Variants in CLEC4A observed in about 807,000 individuals in gnomAD.
CLEC4A encodes the protein C-type (calcium dependent, carbohydrate-recognition domain) lectin, superfamily member 6.
CLEC4A carries 27 observed loss-of-function variants against 32.7 expected under a neutral mutation model. The observed-to-expected ratio is 0.83, with a 90% CI of 0.61 to 1.14. The LOEUF is 1.14. Ranked by LOEUF, CLEC4A falls within the 50% of genes most tolerant of loss-of-function variation. The pLI is 0.00. For missense variants in CLEC4A, 253 were observed against 274.6 expected, an observed-to-expected ratio of 0.92 and a Z score of 0.55; for synonymous variants, 89 against 93.7, an observed-to-expected ratio of 0.95 and a Z score of 0.29.
intron 1 of CLEC4A, 21 bp from the exon 2 acceptor site, chr12:8,125,540 C>T: frequency 7.0e-7 from 1 of 1,422,142 alleles, no homozygotes; most frequent in South Asian, 1.2e-5. Context: ...ACTGATAAAA[C>T]TAATTTGGCT....
intron 3 of CLEC4A, chr12:8,133,682 T>A (rs2120615153): frequency 6.5e-7 from 1 of 1,544,250 alleles, no homozygotes; most frequent in South Asian, 1.2e-5. Flanking sequence ...ATGAAGAACT[T>A]AATCCCAAAA....
chr12:8,112,008 G>A, the CLEC4A span, among the ~76,000 whole-genome samples: 12 of 150,954 alleles, frequency 7.9e-5, no homozygotes. Context: ...TGCTCTTGTT[G>A]CCCAGGCTGG....
At chr12:8,124,794 A>G (rs1305197024) in intron 1 of CLEC4A, among the ~76,000 whole-genome samples, 1 of 152,240 alleles carries the variant, frequency 6.6e-6, no homozygotes, top group Non-Finnish European at 1.5e-5. Flanking sequence ...TGTAGAAAAA[A>G]TTAACCAGAG....
At chr12:8,138,064 C>A in intron 5 of CLEC4A, 76 bp from the exon 6 acceptor site, 2 of 1,474,814 alleles carry the variant, frequency 1.4e-6, no homozygotes, top group South Asian at 1.3e-5. Context: ...ATTCATCCCT[C>A]GCTCCTCACC....
chr12:8,133,660 C>G, intron 3 of CLEC4A: 2 of 1,455,932 alleles, frequency 1.4e-6, no homozygotes. Flanking sequence ...TTCCCAATTC[C>G]TTCCTTAGTG....
At chr12:8,133,743 G>C (rs1424397374) in intron 3 of CLEC4A, 14 of 1,586,632 alleles carry the variant, frequency 8.8e-6, no homozygotes, top group Non-Finnish European at 1.7e-6. Flanking sequence ...CCCTCCCCCT[G>C]TCCCCCATTC....
the CLEC4A span, among the ~76,000 whole-genome samples, chr12:8,111,439 C>T: frequency 6.6e-6 from 1 of 152,132 alleles, no homozygotes; most frequent in East Asian, 1.9e-4. Flanking sequence ...CTCAGCCTCC[C>T]AAAGTGCTGG....
intron 2 of CLEC4A, among the ~76,000 whole-genome samples, chr12:8,125,982 G>A (rs1947894892): frequency 6.6e-6 from 1 of 152,202 alleles, no homozygotes; most frequent in African/African-American, 2.4e-5. Context: ...TGTAAGTGAG[G>A]ACAAATCTAT....
the CLEC4A span, among the ~76,000 whole-genome samples, chr12:8,110,905 G>A: frequency 5.3e-5 from 8 of 150,072 alleles, no homozygotes; most frequent in South Asian, 1.5e-3. Flanking sequence ...ACGGAGTCTC[G>A]CTCTGTCGCC....
At chr12:8,114,235 G>A in the CLEC4A span, among the ~76,000 whole-genome samples, 1 of 152,122 alleles carries the variant, frequency 6.6e-6, no homozygotes, top group Non-Finnish European at 1.5e-5. Flanking sequence ...TAATGTTTGA[G>A]CAATTCCTTT....
the CLEC4A span, among the ~76,000 whole-genome samples, chr12:8,107,805 G>A: frequency 6.7e-6 from 1 of 149,936 alleles, no homozygotes; most frequent in African/African-American, 2.4e-5. Flanking sequence ...TCTAGCTAGT[G>A]GTCTATTAAT....
chr12:8,135,727 A>G lies in CLEC4A; in HGVS notation c.441A>G (p.Gln147=), dbSNP rs1373669788. ...CTCACCTGCTGGTGATAAACACTCA[A>G]GAAGAGCAGGTACTTTCTAATAGAT... is the stretch of plus-strand genomic sequence containing the variant. ...MEAHLLVINT[Q]EEQDFIFQNL... Residue 147 remains glutamine (Q), a synonymous_variant, in exon 4 of 6, where the codon CAA becomes CAG. Coordinates refer to ENST00000229332, the MANE Select transcript of CLEC4A (RefSeq NM_016184.4). 6.8e-6 allele frequency: 11 copies of G among 1,613,912 alleles called. No individual in the cohort carries two copies. Among genetic ancestry groups the G allele is most frequent in the Non-Finnish European group, 9.3e-6 (11 of 1,179,944 alleles).
In CLEC4A at chr12:8,126,849, G is replaced by A. The variant is rs748892152; in HGVS notation, c.199+1172G>A. ...GAGAGAGCATGGAATTTGGGGAAAC[G>A]TAAGTATGCATGACTGGAACATATG... On this transcript the variant is annotated intron_variant, in intron 2 of 5. Transcript: ENST00000229332. Among the ~76,000 whole-genome samples, 10 of 152,270 alleles carry A rather than the reference G, an allele frequency of 6.6e-5. No individual in the cohort carries two copies. In the East Asian group the frequency reaches 7.7e-4, roughly 12 times the overall value.
intron 3 of CLEC4A, among the ~76,000 whole-genome samples, chr12:8,135,160 A>G (rs1200421173): frequency 7.0e-6 from 1 of 142,538 alleles, no homozygotes; most frequent in Non-Finnish European, 1.5e-5. Context: ...TGCTGGGATT[A>G]CAGATGTGAG....
chr12:8,135,045 A>ATTTTTT (rs1565406500), intron 3 of CLEC4A, among the ~76,000 whole-genome samples: 1 of 4,968 alleles, frequency 2.0e-4, no homozygotes, highest in Non-Finnish European at 4.8e-4. Context: ...CAATTTTATT[A>ATTTTTT]TCTTTTTTTT....
At chr12:8,131,807 C>T (rs1948000121) in intron 3 of CLEC4A, among the ~76,000 whole-genome samples, 3 of 115,712 alleles carry the variant, frequency 2.6e-5, no homozygotes, top group South Asian at 6.6e-4. Flanking sequence ...TGCATGTACT[C>T]ATGGAGATAT....
the CLEC4A span, among the ~76,000 whole-genome samples, chr12:8,113,169 A>G: frequency 9.5e-5 from 12 of 125,808 alleles, no homozygotes; most frequent in East Asian, 4.9e-4. Context: ...TTCTGTGTCC[A>G]TGTGTTATCA....
chr12:8,104,734 C>T, the CLEC4A span, among the ~76,000 whole-genome samples: 1 of 152,154 alleles, frequency 6.6e-6, no homozygotes, highest in African/African-American at 2.4e-5. Flanking sequence ...TTCTCCCCCT[C>T]CCCACTCAGG....
intron 3 of CLEC4A, chr12:8,134,004 TCTG>T: frequency 6.2e-7 from 1 of 1,606,524 alleles, no homozygotes; most frequent in African/African-American, 1.3e-5. Context: ...CGCTTGCCCT[TCTG>T]GCGCCGGTTA....
Sources: allele counts gnomAD v4.1 joint callset (sites outside exome capture counted in the v4.1 genomes callset), GRCh38; gene constraint gnomAD v4.1.1; transcripts MANE v1.5; gene names NCBI Gene and HGNC (gene_info 2026-07-23, HGNC 2026-07-21).